TNNI3K: variants seen among roughly 807,000 people sequenced by gnomAD.
TNNI3K encodes TNNI3 interacting kinase.
In TNNI3K, 140 loss-of-function variants were observed where a neutral mutation model predicts 114.5. The ratio of observed to expected loss-of-function variants is 1.22; its 90% CI spans 1.07 to 1.41. The LOEUF (loss-of-function observed/expected upper bound fraction) is 1.41, where lower values mean the gene tolerates loss of function less well. Among genes scored for constraint, TNNI3K ranks in the 40% most tolerant of loss-of-function variants. The pLI is 0.00. For synonymous variants in TNNI3K, 347 were observed against 347.5 expected (o/e 1.00, Z 0.02); for missense variants, 1,125 against 1,007.6 (o/e 1.12, Z -1.58).
At chr1:74,311,259 G>A (rs1658978406) in intron 5 of TNNI3K, among the ~76,000 whole-genome samples, 1 of 152,112 alleles carries the variant, frequency 6.6e-6, no homozygotes, top group South Asian at 2.1e-4. Context: ...TTAGGAGTTA[G>A]AGTGAGTTAT....
intron 5 of TNNI3K, among the ~76,000 whole-genome samples, chr1:74,322,548 C>T (rs554274493): frequency 1.5e-4 from 22 of 151,622 alleles, no homozygotes; most frequent in Non-Finnish European, 2.4e-4. Flanking sequence ...GCAACCTCCA[C>T]CTCCCAGGTT....
chr1:74,293,621 T>A (rs1657806510), intron 5 of TNNI3K, among the ~76,000 whole-genome samples: 1 of 151,724 alleles, frequency 6.6e-6, no homozygotes. Context: ...TGATTTATAT[T>A]TACCATGGGA....
chr1:74,435,694 G>A (rs1252302159), intron 17 of TNNI3K, among the ~76,000 whole-genome samples: 1 of 151,968 alleles, frequency 6.6e-6, no homozygotes, highest in South Asian at 2.1e-4. Flanking sequence ...TAGGGTTCCA[G>A]CAAGCTGGTT....
At chr1:74,442,395 C>G (rs948142916) in intron 20 of TNNI3K, among the ~76,000 whole-genome samples, 7 of 152,024 alleles carry the variant, frequency 4.6e-5, no homozygotes, top group African/African-American at 1.7e-4. Flanking sequence ...TAATGTGAAT[C>G]CTCCAACTTT....
At chr1:74,406,556 C>T (rs936767758) in intron 17 of TNNI3K, among the ~76,000 whole-genome samples, 93 of 152,292 alleles carry the variant, frequency 6.1e-4, no homozygotes, top group African/African-American at 2.2e-3. Context: ...CTGCCTTCAG[C>T]TCCAGAAAGT....
chr1:74,309,382 G>A (rs866133993), intron 5 of TNNI3K, among the ~76,000 whole-genome samples: 899 of 27,390 alleles, frequency 0.033, 6 homozygotes, highest in South Asian at 0.067. Flanking sequence ...AAAAAAAAAA[G>A]AAGAGATAAT....
At chr1:74,404,304 G>A (rs1474129845) in intron 17 of TNNI3K, among the ~76,000 whole-genome samples, 3 of 151,788 alleles carry the variant, frequency 2.0e-5, no homozygotes, top group Admixed American at 6.6e-5. Context: ...GTTGTTTTTT[G>A]TTTCTCTATC....
At chr1:74,541,974 C>T (rs1646732031) in intron 24 of TNNI3K, among the ~76,000 whole-genome samples, 1 of 152,190 alleles carries the variant, frequency 6.6e-6, no homozygotes, top group South Asian at 2.1e-4. Flanking sequence ...AAATGAAACA[C>T]ATAGCTGTTT....
At chr1:74,282,840 G>A (rs927417605) in intron 5 of TNNI3K, among the ~76,000 whole-genome samples, 1 of 152,120 alleles carries the variant, frequency 6.6e-6, no homozygotes, top group Non-Finnish European at 1.5e-5. Context: ...CACAGGCAGA[G>A]AAACAAGTCC....
chr1:74,423,885 G>A (rs550458627), intron 17 of TNNI3K, among the ~76,000 whole-genome samples: 12 of 152,104 alleles, frequency 7.9e-5, no homozygotes, highest in East Asian at 3.9e-4. Context: ...ACTATGCCCC[G>A]CACAGAGTAA....
intron 5 of TNNI3K, among the ~76,000 whole-genome samples, chr1:74,277,948 T>C (rs1281620273): frequency 6.6e-6 from 1 of 152,194 alleles, no homozygotes; most frequent in Non-Finnish European, 1.5e-5. Context: ...TTATTTCTGA[T>C]TTCAAGGTAA....
intron 11 of TNNI3K, among the ~76,000 whole-genome samples, chr1:74,355,181 A>G (rs45545940): frequency 0.027 from 4,069 of 152,308 alleles, 199 homozygotes; most frequent in African/African-American, 0.094. Flanking sequence ...TTTTTACAAT[A>G]TTAAAAATGT....
At chr1:74,373,622 G>A (rs190748947) in intron 17 of TNNI3K, 35 of 151,896 alleles carry the variant, frequency 2.3e-4, no homozygotes, top group African/African-American at 7.7e-4. Context: ...AAATTATTGT[G>A]GATTTCTATG....
intron 17 of TNNI3K, chr1:74,418,468 A>C (rs1196722462): frequency 6.4e-6 from 1 of 156,280 alleles, no homozygotes; most frequent in Non-Finnish European, 1.4e-5. Context: ...AATCTTCAAA[A>C]ACTTATTTGA....
chr1:74,248,349 G>A (rs1390824684), intron 2 of TNNI3K, among the ~76,000 whole-genome samples: 1 of 152,156 alleles, frequency 6.6e-6, no homozygotes, highest in Non-Finnish European at 1.5e-5. Flanking sequence ...TCCAGAGAGG[G>A]GCTCCCACAG....
At chr1:74,282,884 CAGACT>C (rs1329255955) in intron 5 of TNNI3K, among the ~76,000 whole-genome samples, 2 of 152,182 alleles carry the variant, frequency 1.3e-5, no homozygotes, top group Non-Finnish European at 2.9e-5. Context: ...ATGCACATCT[CAGACT>C]ACCATAATTT....
chr1:74,540,455 T>C (rs1446172371), intron 24 of TNNI3K, 142 bp downstream of exon 24: 4 of 802,722 alleles, frequency 5.0e-6, no homozygotes, highest in African/African-American at 1.8e-5. Flanking sequence ...TAAAATTTGA[T>C]TTTATATGTC....
At chr1:74,461,078 A>G (rs1300733676) in intron 20 of TNNI3K, among the ~76,000 whole-genome samples, 2 of 152,010 alleles carry the variant, frequency 1.3e-5, no homozygotes, top group African/African-American at 2.4e-5. Context: ...CACCAGCTCA[A>G]CAATATCCAA....
At chr1:74,270,003 G>A (rs895922667) in intron 4 of TNNI3K, among the ~76,000 whole-genome samples, 2 of 151,848 alleles carry the variant, frequency 1.3e-5, no homozygotes, top group African/African-American at 4.8e-5. Flanking sequence ...TAATCATAGA[G>A]AGAATGACTA....
Sources: allele counts gnomAD v4.1 joint callset (sites outside exome capture counted in the v4.1 genomes callset), GRCh38; gene constraint gnomAD v4.1.1; transcripts MANE v1.5; gene names NCBI Gene and HGNC (gene_info 2026-07-23, HGNC 2026-07-21).